The following NEO1 variants were observed in gnomAD, a reference collection of about 807,000 sequenced individuals.
The protein encoded by NEO1 is neogenin 1.
A neutral mutation model predicts 159.7 loss-of-function variants in NEO1; 63 were observed. The observed-to-expected ratio is 0.39, with a 90% confidence interval of 0.32 to 0.49. NEO1 has a LOEUF of 0.49. NEO1 is among the 20% of genes least tolerant of loss of function. The pLI, the probability that NEO1 is intolerant of heterozygous loss-of-function variation, is 0.85. For missense variants in NEO1, 1,615 were observed against 1,831.0 expected (o/e 0.88, Z 2.15); for synonymous variants, 633 against 662.0 (o/e 0.96, Z 0.67).
At chr15:73,063,315 T>G (rs1185239859) in intron 1 of NEO1, among the ~76,000 whole-genome samples, 1 of 152,086 alleles carries the variant, frequency 6.6e-6, no homozygotes, top group African/African-American at 2.4e-5. Flanking sequence ...TGGGCTGAAA[T>G]GAACAAAGAA....
chr15:73,175,933 G>C (rs1172861716), intron 5 of NEO1, among the ~76,000 whole-genome samples: 1 of 152,112 alleles, frequency 6.6e-6, no homozygotes, highest in Non-Finnish European at 1.5e-5. Context: ...TGTGTTGCAT[G>C]AGTGAGCTGT....
At chr15:73,256,261 A>G (rs2040343466) in intron 13 of NEO1, among the ~76,000 whole-genome samples, 1 of 152,120 alleles carries the variant, frequency 6.6e-6, no homozygotes, top group African/African-American at 2.4e-5. Flanking sequence ...GCACTTTGGG[A>G]GGCTGAGGCA....
chr15:73,104,952 A>G (rs911633268), intron 1 of NEO1, among the ~76,000 whole-genome samples: 2 of 152,198 alleles, frequency 1.3e-5, no homozygotes, highest in Non-Finnish European at 2.9e-5. Context: ...CTCACCTCCA[A>G]CACTGGAGAT....
chr15:73,145,750 T>C (rs1452196295), intron 5 of NEO1, among the ~76,000 whole-genome samples: 1 of 152,226 alleles, frequency 6.6e-6, no homozygotes, highest in East Asian at 1.9e-4. Context: ...GACTTTCTTA[T>C]AAAAATTAGC....
intron 4 of NEO1, among the ~76,000 whole-genome samples, chr15:73,126,923 C>T (rs368860368): frequency 9.2e-5 from 14 of 152,190 alleles, no homozygotes; most frequent in African/African-American, 3.1e-4. Flanking sequence ...AGTAGTTTTT[C>T]CACTGCACAA....
intron 7 of NEO1, among the ~76,000 whole-genome samples, chr15:73,196,440 T>C (rs2036536671): frequency 6.6e-6 from 1 of 152,246 alleles, no homozygotes; most frequent in Admixed American, 6.5e-5. Context: ...AGTACTTCTC[T>C]GCCTTTGAGA....
chr15:73,259,262 C>A (rs1361533758), intron 14 of NEO1, among the ~76,000 whole-genome samples: 1 of 151,970 alleles, frequency 6.6e-6, no homozygotes, highest in African/African-American at 2.4e-5. Flanking sequence ...CATGTTTATT[C>A]AGTGAGTACT....
intron 1 of NEO1, among the ~76,000 whole-genome samples, chr15:73,088,340 A>G (rs945731818): frequency 6.6e-6 from 1 of 152,024 alleles, no homozygotes; most frequent in African/African-American, 2.4e-5. Context: ...GAGTTGTTTG[A>G]AATGATGAAA....
intron 7 of NEO1, among the ~76,000 whole-genome samples, chr15:73,200,670 C>CTTTTTTT (rs931779531): frequency 4.5e-4 from 42 of 92,860 alleles, no homozygotes; most frequent in East Asian, 7.1e-4. Flanking sequence ...ATTCCCTTAT[C>CTTTTTTT]TTTTTTTTTT....
chr15:73,280,161 G>A (rs772515213), intron 22 of NEO1, among the ~76,000 whole-genome samples: 2 of 151,954 alleles, frequency 1.3e-5, no homozygotes, highest in Non-Finnish European at 2.9e-5. Flanking sequence ...TGGTATGCAC[G>A]TGTAATCCCA....
chr15:73,167,397 C>T (rs1261874318), intron 5 of NEO1, among the ~76,000 whole-genome samples: 1 of 152,068 alleles, frequency 6.6e-6, no homozygotes, highest in Non-Finnish European at 1.5e-5. Context: ...TGTTCATTTG[C>T]TTCTCAGGGC....
intron 4 of NEO1, among the ~76,000 whole-genome samples, chr15:73,127,225 C>T (rs999567728): frequency 1.4e-5 from 2 of 142,158 alleles, no homozygotes; most frequent in Non-Finnish European, 3.0e-5. Flanking sequence ...ACCTAGACGC[C>T]GTCTCAAAAA....
At chr15:73,059,022 T>A (rs550337452) in intron 1 of NEO1, among the ~76,000 whole-genome samples, 37 of 152,312 alleles carry the variant, frequency 2.4e-4, no homozygotes, top group African/African-American at 8.7e-4. Flanking sequence ...TGCAAATGAT[T>A]GTATATGATT....
chr15:73,287,969 A>ACT (rs778678443), intron 23 of NEO1, among the ~76,000 whole-genome samples: 1 of 152,142 alleles, frequency 6.6e-6, no homozygotes, highest in Non-Finnish European at 1.5e-5. Flanking sequence ...ACATTGCTCT[A>ACT]ATTAGAAACT....
chr15:73,208,981 C>T (rs1423005336), intron 7 of NEO1, among the ~76,000 whole-genome samples: 1 of 152,154 alleles, frequency 6.6e-6, no homozygotes, highest in Non-Finnish European at 1.5e-5. Context: ...GGATATAGTT[C>T]TTTCTCTGAG....
chr15:73,225,575 T>C (rs2038536669), intron 7 of NEO1, among the ~76,000 whole-genome samples: 1 of 151,934 alleles, frequency 6.6e-6, no homozygotes, highest in Admixed American at 6.6e-5. Flanking sequence ...AGGGAAGTGG[T>C]GGAAAGCCGC....
intron 7 of NEO1, among the ~76,000 whole-genome samples, chr15:73,213,881 C>T (rs770800813): frequency 2.0e-5 from 3 of 152,154 alleles, no homozygotes; most frequent in East Asian, 1.9e-4. Context: ...TTTACATTCC[C>T]ATCAGCAGTA....
chr15:73,215,001 G>A (rs1379321202), intron 7 of NEO1, among the ~76,000 whole-genome samples: 1 of 152,098 alleles, frequency 6.6e-6, no homozygotes, highest in Non-Finnish European at 1.5e-5. Flanking sequence ...TCACCTCCCT[G>A]ATTAGGTAAA....
At chr15:73,084,291 G>A (rs1242325176) in intron 1 of NEO1, among the ~76,000 whole-genome samples, 1 of 151,948 alleles carries the variant, frequency 6.6e-6, no homozygotes, top group Non-Finnish European at 1.5e-5. Flanking sequence ...TTATCCTTTT[G>A]CTAACATCAC....
Sources: gnomAD v4.1 joint callset for allele counts (sites outside exome capture counted in the v4.1 genomes callset) on GRCh38, gnomAD v4.1.1 for gene constraint, MANE v1.5 for transcripts, NCBI Gene and HGNC (gene_info 2026-07-23, HGNC 2026-07-21) for gene names.